SLCO2A1: variants seen among roughly 807,000 people sequenced by gnomAD.
SLCO2A1 encodes solute carrier organic anion transporter family member 2A1.
In SLCO2A1, 60 loss-of-function variants were observed where a neutral mutation model predicts 71.7. The observed-to-expected ratio is 0.84, with a 90% confidence interval of 0.68 to 1.04. SLCO2A1 has a LOEUF of 1.04. Ranked by LOEUF, SLCO2A1 falls within the 50% of genes least tolerant of loss-of-function variation. The pLI is 0.00. For missense variants in SLCO2A1, 745 were observed against 813.4 expected, an observed-to-expected ratio of 0.92 and a Z score of 1.02; for synonymous variants, 308 against 326.7, an observed-to-expected ratio of 0.94 and a Z score of 0.62.
chr3:133,980,135 G>GGCCGACCTCTAAT (rs1934555459), intron 1 of SLCO2A1, among the ~76,000 whole-genome samples: 1 of 152,160 alleles, frequency 6.6e-6, no homozygotes. Flanking sequence ...TGTCCTCTGA[G>GGCCGACCTCTAAT]GCCCACCTCT....
At position 133,933,444 on chromosome 3, in the gene SLCO2A1, A is replaced by C. The variant is rs1933190036; in HGVS notation, c.*1269T>G. The C allele has an allele frequency of 6.6e-6, 1 of 152,232 alleles. No individual in the cohort carries two copies. The highest frequency in any genetic ancestry group is 1.5e-5 in the Non-Finnish European group (1 of 68,066). The allele number at this position is 152,232 out of a possible 1,614,324, so 9.4% of individuals were successfully genotyped here. On this transcript the variant is annotated 3_prime_UTR_variant, in exon 14 of 14. Coordinates refer to ENST00000310926, the MANE Select transcript of SLCO2A1 (RefSeq NM_005630.3). ...GGAAGCTCCATGGAGAACCCTGATT[A>C]GCATTGCTTTGCACAAAGTCGGTCT...
chr3:133,976,887 T>A (rs1559942801), intron 2 of SLCO2A1, among the ~76,000 whole-genome samples: 1 of 152,220 alleles, frequency 6.6e-6, no homozygotes, highest in East Asian at 1.9e-4. Context: ...TCTTCTCTTC[T>A]TAACTAAGTT....
In SLCO2A1 at chr3:133,960,819, G is replaced by A. The variant is rs187191858; in HGVS notation, c.398-5626C>T. ...CAGCAGACCCAGTGTTGTAGGAGAG[G>A]ACATTCTGGAGAAGGTTTCTGGAGA... is the stretch of plus-strand genomic sequence containing the variant. On this transcript the variant is annotated intron_variant, in intron 3 of 13. Coordinates refer to ENST00000310926, the MANE Select transcript of SLCO2A1 (RefSeq NM_005630.3). 5.6e-3 allele frequency among the ~76,000 whole-genome samples: 854 copies of A among 152,248 alleles called. 9 individuals carry two copies. Among genetic ancestry groups the A allele is most frequent in the African/African-American group, 0.019 (798 of 41,552 alleles).
intron 6 of SLCO2A1, 199 bp from the exon 7 acceptor site, chr3:133,949,170 G>C: frequency 1.7e-6 from 1 of 596,188 alleles, no homozygotes; most frequent in Non-Finnish European, 3.0e-6. Flanking sequence ...CTGGTGTTTT[G>C]GCCGACAATC....
intron 5 of SLCO2A1, among the ~76,000 whole-genome samples, chr3:133,953,091 C>T (rs1933788557): frequency 1.3e-5 from 2 of 151,866 alleles, no homozygotes; most frequent in Admixed American, 1.3e-4. Context: ...GGCTGGAGTG[C>T]AGTGGCATGA....
At chr3:133,949,128 C>T in intron 6 of SLCO2A1, 157 bp from the exon 7 acceptor site, 1 of 626,928 alleles carries the variant, frequency 1.6e-6, no homozygotes, top group South Asian at 1.9e-5. Context: ...GAATGCTCTC[C>T]TGAAGCAAAC....
chr3:134,003,315 C>A (rs1935139922), intron 1 of SLCO2A1, among the ~76,000 whole-genome samples: 1 of 152,226 alleles, frequency 6.6e-6, no homozygotes, highest in Non-Finnish European at 1.5e-5. Context: ...TTCACGTCTG[C>A]AGCCCAGGGG....
intron 3 of SLCO2A1, among the ~76,000 whole-genome samples, chr3:133,962,331 C>T (rs1454260173): frequency 1.3e-5 from 2 of 152,238 alleles, no homozygotes; most frequent in South Asian, 2.1e-4. Context: ...CCACCCTCCT[C>T]GGCCTCCCAA....
In SLCO2A1 at chr3:134,029,873, G is replaced by A; in HGVS notation, c.-71C>T. The A allele has an allele frequency of 4.6e-6, 4 of 872,612 alleles. No individual in the cohort carries two copies. The South Asian group carries it at 1.7e-4, about 36-fold the overall frequency. The allele number at this position is 872,612 out of a possible 1,614,324, so 54.1% of individuals were successfully genotyped here. A position where few individuals can be genotyped will look rare whatever the true frequency, so the allele number is the denominator to read the frequency against. ...GCCTCGGGCTGGAGCGGCCGGGCGGGTGAGAGGCGACCGCGGCGGCAGTGG... is the reference window on the plus strand; with the variant it reads ...GCCTCGGGCTGGAGCGGCCGGGCGGATGAGAGGCGACCGCGGCGGCAGTGG... On this transcript the variant is annotated 5_prime_UTR_variant, in exon 1 of 14. Coordinates refer to ENST00000310926, the MANE Select transcript of SLCO2A1 (RefSeq NM_005630.3).
At chr3:133,979,689 G>T (rs1347997884) in intron 1 of SLCO2A1, 71 bp from the exon 2 acceptor site, 2 of 1,522,432 alleles carry the variant, frequency 1.3e-6, no homozygotes, top group Admixed American at 2.1e-5. Flanking sequence ...CCATCTGTTA[G>T]GGGCCCCGGC....
intron 3 of SLCO2A1, among the ~76,000 whole-genome samples, chr3:133,959,557 G>A (rs1933983165): frequency 6.6e-6 from 1 of 152,138 alleles, no homozygotes; most frequent in South Asian, 2.1e-4. Flanking sequence ...GGGCGTGACG[G>A]CGCGCACCTG....
intron 1 of SLCO2A1, among the ~76,000 whole-genome samples, chr3:133,989,605 T>C (rs1003785724): frequency 6.6e-6 from 1 of 152,218 alleles, no homozygotes; most frequent in Non-Finnish European, 1.5e-5. Flanking sequence ...CAGTGTAACA[T>C]GTGCATGTGT....
intron 1 of SLCO2A1, among the ~76,000 whole-genome samples, chr3:134,011,894 G>A (rs1935353951): frequency 6.6e-6 from 1 of 152,132 alleles, no homozygotes; most frequent in East Asian, 1.9e-4. Context: ...GGGAGGCGGG[G>A]GTAAGAAGGA....
At chr3:134,011,037 T>C (rs1421778294) in intron 1 of SLCO2A1, among the ~76,000 whole-genome samples, 1 of 151,328 alleles carries the variant, frequency 6.6e-6, no homozygotes, top group Non-Finnish European at 1.5e-5. Flanking sequence ...ATTTTGTCTG[T>C]TTTTTTTGTT....
rs183134661 is a variant in SLCO2A1, at chr3:134,011,592, A to G, written c.96+18115T>C. Among the ~76,000 whole-genome samples, 346 of 152,320 alleles carry G rather than the reference A, an allele frequency of 2.3e-3. 7 individuals carry two copies. Among genetic ancestry groups the G allele is most frequent in the Non-Finnish European group, 3.2e-4 (22 of 68,024 alleles). ...TTGCCATATACAAGGCTGGTTCTTC[A>G]TTAACTTGGACCTGCCACATACCAC... On this transcript the variant is annotated intron_variant, in intron 1 of 13. Coordinates refer to ENST00000310926, the MANE Select transcript of SLCO2A1 (RefSeq NM_005630.3).
At chr3:133,981,183 G>T (rs1175995879) in intron 1 of SLCO2A1, among the ~76,000 whole-genome samples, 1 of 152,202 alleles carries the variant, frequency 6.6e-6, no homozygotes, top group Admixed American at 6.5e-5. Context: ...GACCAGATCT[G>T]GACCTGCCTC....
chr3:133,946,921 C>T (rs565735568), intron 9 of SLCO2A1, among the ~76,000 whole-genome samples: 1 of 152,162 alleles, frequency 6.6e-6, no homozygotes, highest in East Asian at 1.9e-4. Flanking sequence ...TTATGACCAG[C>T]CTGGCCAAAA....
chr3:133,993,977 A>G (rs1047100418), intron 1 of SLCO2A1, among the ~76,000 whole-genome samples: 5 of 152,192 alleles, frequency 3.3e-5, no homozygotes, highest in African/African-American at 1.2e-4. Context: ...ACATGGTATC[A>G]GAAGAGCTAG....
At chr3:133,989,619 A>C (rs1011106650) in intron 1 of SLCO2A1, among the ~76,000 whole-genome samples, 2 of 152,202 alleles carry the variant, frequency 1.3e-5, no homozygotes, top group African/African-American at 4.8e-5. Context: ...CATGTGTTTA[A>C]AATATCAAGT....
Sources: allele counts gnomAD v4.1 joint callset (sites outside exome capture counted in the v4.1 genomes callset), GRCh38; gene constraint gnomAD v4.1.1; transcripts MANE v1.5; gene names NCBI Gene and HGNC (gene_info 2026-07-23, HGNC 2026-07-21).